The following ANK3 variants were observed in gnomAD, a reference collection of about 807,000 sequenced individuals.
The protein encoded by ANK3 is ankyrin 3.
ANK3 carries 57 observed loss-of-function variants against 370.9 expected under a neutral mutation model. The observed-to-expected ratio is 0.15, with a 90% CI of 0.12 to 0.19. ANK3 has a LOEUF of 0.19. Ranked by LOEUF, ANK3 falls within the 10% of genes least tolerant of loss-of-function variation. ANK3 has a pLI of 1.00. For missense variants in ANK3, 4,439 were observed against 5,302.1 expected (o/e 0.84, Z 5.06); for synonymous variants, 1,929 against 1,946.3 (o/e 0.99, Z 0.23).
At chr10:60,299,043 CTTA>C (rs903151204) in intron 1 of ANK3, among the ~76,000 whole-genome samples, 5 of 152,114 alleles carry the variant, frequency 3.3e-5, no homozygotes, top group African/African-American at 9.7e-5. Context: ...TGCCAATATG[CTTA>C]TATTACTAGT....
chr10:60,601,988 A>C (rs1461709785), intron 2 of ANK3, among the ~76,000 whole-genome samples: 1 of 152,180 alleles, frequency 6.6e-6, no homozygotes, highest in Non-Finnish European at 1.5e-5. Context: ...TGTGTGCACA[A>C]ACTTGCTTGT....
At chr10:60,615,491 A>T (rs911277152) in intron 1 of ANK3, among the ~76,000 whole-genome samples, 16 of 152,180 alleles carry the variant, frequency 1.1e-4, no homozygotes, top group Admixed American at 3.3e-4. Context: ...GAGAATTTTT[A>T]AAAATGAAAT....
intron 2 of ANK3, among the ~76,000 whole-genome samples, chr10:60,470,401 A>G (rs575339911): frequency 6.6e-6 from 1 of 152,132 alleles, no homozygotes; most frequent in Non-Finnish European, 1.5e-5. Context: ...ATTTTCTGCC[A>G]TCATGCAGTA....
In ANK3 at chr10:60,145,969, T is replaced by C. The variant is rs41283526; in HGVS notation, c.2615-6882A>G. The C allele has an allele frequency of 9.2e-3, 8,247 of 892,554 alleles. 55 individuals are homozygous for C. Among genetic ancestry groups the C allele is most frequent in the Non-Finnish European group, 0.011 (6,319 of 558,678 alleles). The allele number at this position is 892,554 out of a possible 1,614,324, so 55.3% of individuals were successfully genotyped here. On this transcript the variant is annotated intron_variant, in intron 23 of 43. Transcript: ENST00000280772. ...GGGGCAAAGAGGAGGGAGACTTACTTTTCACCGTAAACTCTTGTACCTTGG... is the reference window on the plus strand; with the variant it reads ...GGGGCAAAGAGGAGGGAGACTTACTCTTCACCGTAAACTCTTGTACCTTGG...
chr10:60,426,934 C>T (rs981368493), intron 2 of ANK3, among the ~76,000 whole-genome samples: 2 of 152,120 alleles, frequency 1.3e-5, no homozygotes, highest in Non-Finnish European at 2.9e-5. Context: ...TCCAGTGAGA[C>T]TCAATGGCAG....
chr10:60,104,791 C>G (rs2091939282), intron 28 of ANK3, among the ~76,000 whole-genome samples: 1 of 152,110 alleles, frequency 6.6e-6, no homozygotes, highest in African/African-American at 2.4e-5. Flanking sequence ...GATAATAACT[C>G]ATAATTATCA....
intron 28 of ANK3, among the ~76,000 whole-genome samples, chr10:60,102,468 C>T (rs901584756): frequency 2.0e-5 from 3 of 152,118 alleles, no homozygotes; most frequent in African/African-American, 7.2e-5. Flanking sequence ...TGCTTCATTA[C>T]GGTCACACAA....
At chr10:60,057,084 T>C (rs1466048323) in intron 41 of ANK3, among the ~76,000 whole-genome samples, 1 of 152,186 alleles carries the variant, frequency 6.6e-6, no homozygotes, top group Non-Finnish European at 1.5e-5. Flanking sequence ...TCCAATTCTT[T>C]GTATATGTTT....
intron 21 of ANK3, 143 bp from the exon 22 acceptor site, chr10:60,167,039 ATTG>A (rs1329722821): frequency 2.7e-6 from 2 of 729,026 alleles, no homozygotes; most frequent in Non-Finnish European, 4.6e-6. Flanking sequence ...TAACATCAAA[ATTG>A]TTGTCCCTTA....
At chr10:60,170,985 T>C (rs778110169) in intron 21 of ANK3, among the ~76,000 whole-genome samples, 72 of 152,314 alleles carry the variant, frequency 4.7e-4, no homozygotes, top group Middle Eastern at 3.4e-3. Flanking sequence ...CAAATCTTTA[T>C]AGCATTGTGA....
intron 7 of ANK3, 25 bp downstream of exon 7, chr10:60,261,834 G>A (rs1298238046): frequency 6.3e-7 from 1 of 1,596,786 alleles, no homozygotes; most frequent in African/African-American, 1.3e-5. Flanking sequence ...TGCTTTAAAG[G>A]TATTACACAT....
intron 8 of ANK3, among the ~76,000 whole-genome samples, chr10:60,226,813 C>T (rs2097171679): frequency 6.8e-6 from 1 of 146,998 alleles, no homozygotes; most frequent in South Asian, 2.1e-4. Context: ...AGAATTCTGC[C>T]ATATTATAAT....
chr10:60,354,094 T>C (rs10761493), intron 1 of ANK3, among the ~76,000 whole-genome samples: 76,015 of 152,080 alleles, frequency 0.5, 19,570 homozygotes, highest in East Asian at 0.69. Flanking sequence ...CCTTCTCCAA[T>C]ACAATCAGCT....
chr10:60,688,358 G>A lies in ANK3; in HGVS notation c.57+44905C>T, dbSNP rs186528273. Among the ~76,000 whole-genome samples, 3 of 152,210 alleles carry A rather than the reference G, an allele frequency of 2.0e-5. No individual in the cohort carries two copies. In the East Asian group the frequency reaches 5.8e-4, roughly 29 times the overall value. On this transcript the variant is annotated intron_variant, in intron 1 of 43. Coordinates refer to the ANK3 transcript ENST00000373827. ...TGAGATTACAGGCATGAGCCATCAT[G>A]CCTGACCCAGAATTACTATTTAATT...
intron 2 of ANK3, among the ~76,000 whole-genome samples, chr10:60,519,654 A>G (rs545661928): frequency 8.5e-5 from 13 of 152,234 alleles, no homozygotes; most frequent in Admixed American, 7.8e-4. Context: ...CTAATTTCAA[A>G]TAAGTCAACA....
intron 1 of ANK3, among the ~76,000 whole-genome samples, chr10:60,291,169 T>C (rs1308579675): frequency 6.6e-6 from 1 of 152,186 alleles, no homozygotes; most frequent in Non-Finnish European, 1.5e-5. Flanking sequence ...TTCCTCAACA[T>C]AGACTTGATT....
chr10:60,235,758 T>C lies in ANK3; in HGVS notation c.799-972A>G, dbSNP rs192295942. Among the ~76,000 whole-genome samples, 94 of 152,172 alleles carry C rather than the reference T, an allele frequency of 6.2e-4. 1 individual carries two copies. Among genetic ancestry groups the C allele is most frequent in the East Asian group, 1.9e-4 (1 of 5,180 alleles). On this transcript the variant is annotated intron_variant, in intron 7 of 43. Transcript: ENST00000280772. The stretch of plus-strand genomic sequence containing the variant: ...AGTTCTGCTGTTCACAAAGAATCAA[T>C]TACATCATAAATGAACTAGGCTCAC...
chr10:60,064,031 A>T, intron 39 of ANK3, 126 bp downstream of exon 39: 1 of 864,598 alleles, frequency 1.2e-6, no homozygotes, highest in Non-Finnish European at 1.7e-6. Context: ...CCTCATGATC[A>T]CTTAGTTTTC....
chr10:60,436,524 T>C (rs772637331), intron 2 of ANK3, among the ~76,000 whole-genome samples: 1 of 152,216 alleles, frequency 6.6e-6, no homozygotes, highest in Non-Finnish European at 1.5e-5. Context: ...TGATATCTCA[T>C]TGTAGTTTTG....
Sources: allele counts gnomAD v4.1 joint callset (sites outside exome capture counted in the v4.1 genomes callset), GRCh38; gene constraint gnomAD v4.1.1; transcripts MANE v1.5; gene names NCBI Gene and HGNC (gene_info 2026-07-23, HGNC 2026-07-21).